Variants in MAVS observed in about 807,000 individuals in gnomAD.
MAVS encodes mitochondrial antiviral signaling protein, also known as mitochondrial antiviral-signaling protein.
In MAVS, 20 loss-of-function variants were observed where a neutral mutation model predicts 30.2. That is an observed-to-expected ratio of 0.66 (90% CI 0.47 to 0.96). The LOEUF is 0.96. MAVS is among the 40% of genes least tolerant of loss of function. MAVS has a pLI of 0.00. For synonymous variants in MAVS, 278 were observed against 293.9 expected, an observed-to-expected ratio of 0.95 and a Z score of 0.55; for missense variants, 624 against 701.1, an observed-to-expected ratio of 0.89 and a Z score of 1.24.
intron 3 of MAVS, among the ~76,000 whole-genome samples, chr20:3,860,039 G>C (rs552000860): frequency 6.6e-6 from 1 of 152,012 alleles, no homozygotes; most frequent in Non-Finnish European, 1.5e-5. Context: ...GGATGGTCTC[G>C]ATCTCCTGAC....
At chr20:3,848,247 T>TCACCC (rs2089725904) in intron 1 of MAVS, among the ~76,000 whole-genome samples, 2 of 152,050 alleles carry the variant, frequency 1.3e-5, no homozygotes, top group South Asian at 4.2e-4. Flanking sequence ...TACAGGTGTG[T>TCACCC]GCCACCATGC....
In MAVS at chr20:3,865,884, G is replaced by T; in HGVS notation, c.1360G>T (p.Gly454Cys). ...STSLGMGPCH[G>C]PEENEYKSEG... ...CTCCTTGGGCATGGGGCCCTGCCAT[G>T]GCCCAGAGGAGAATGAGTATAAGTC... Residue 454 changes from glycine (G) to cysteine (C), a missense_variant, in exon 7 of 7, where the codon GGC (glycine) becomes TGC (cysteine). By Grantham distance (159) the Gly-to-Cys change is radical. Coordinates refer to ENST00000428216, the MANE Select transcript of MAVS (RefSeq NM_020746.5). The surrounding 1 kb of genome is among the most constrained non-coding windows in gnomAD (Gnocchi z 4.7). The T allele has an allele frequency of 6.2e-7, 1 of 1,614,106 alleles. No homozygotes were observed. Among genetic ancestry groups the T allele is most frequent in the Non-Finnish European group, 8.5e-7 (1 of 1,180,032 alleles).
Position 3,857,696 on chromosome 20 carries a change from A to G in MAVS, c.179A>G (p.Asn60Ser). The G allele has an allele frequency of 1.2e-6, 2 of 1,614,204 alleles. No homozygotes were observed. Among genetic ancestry groups the G allele is most frequent in the Admixed American group, 1.7e-5 (1 of 60,026 alleles). ...CGGGACACCCTCTGGCATCTCTTCA[A>G]TACCCTTCAGCGGCGGCCCGGCTGG... ...GNRDTLWHLF[N>S]TLQRRPGWVE... Residue 60 changes from asparagine (N) to serine (S), a missense_variant, in exon 3 of 7, where the codon AAT becomes AGT. Asn to Ser is a conservative substitution (Grantham distance 46). Coordinates refer to ENST00000428216, the MANE Select transcript of MAVS (RefSeq NM_020746.5).
At position 3,865,343 on chromosome 20, in the gene MAVS, G is replaced by A. The variant is rs2089898121; in HGVS notation, c.1159-340G>A. ...GTCCATAGGGCCCTTTGGGCACATGGCCAGGCCTCTGACCCTGTGGCTGCT... is the reference window on the plus strand; with the variant it reads ...GTCCATAGGGCCCTTTGGGCACATGACCAGGCCTCTGACCCTGTGGCTGCT... On this transcript the variant is annotated intron_variant, in intron 6 of 6. Transcript: ENST00000428216. This position sits in a 1 kb window ranked among gnomAD's most constrained non-coding sequence, Gnocchi z 4.7. 6.6e-6 allele frequency among the ~76,000 whole-genome samples: 1 copy of A among 152,184 alleles called. No homozygotes were observed. Among genetic ancestry groups the A allele is most frequent in the Non-Finnish European group, 1.5e-5 (1 of 68,032 alleles).
At chr20:3,864,832 CG>C in intron 6 of MAVS, 44 bp downstream of exon 6, 1 of 1,590,560 alleles carries the variant, frequency 6.3e-7, no homozygotes. Flanking sequence ...CCCCTTCCCC[CG>C]GGACAGCTTG....
rs8126207 is a variant in MAVS, at chr20:3,868,532, G to A, written c.*2385G>A. The A allele has an allele frequency of 0.36, 54,395 of 151,856 alleles. 11,068 individuals are homozygous for A. Among genetic ancestry groups the A allele is most frequent in the Non-Finnish European group, 0.46 (31,113 of 67,932 alleles). 9.4% of individuals were successfully genotyped at this position (151,856 alleles called of 1,614,324 possible). Reference sequence around the variant, plus strand: ...GTCTGTAATCCCAGCTATTCAGGAGGCTGAGGCACGAGAATTCCATGAACC... The same window carrying A: ...GTCTGTAATCCCAGCTATTCAGGAGACTGAGGCACGAGAATTCCATGAACC... On this transcript the variant is annotated 3_prime_UTR_variant, in exon 7 of 7. Transcript: ENST00000428216.
intron 1 of MAVS, among the ~76,000 whole-genome samples, chr20:3,849,986 A>G (rs562259304): frequency 6.6e-6 from 1 of 152,268 alleles, no homozygotes; most frequent in African/African-American, 2.4e-5. Flanking sequence ...GCACTTAAAA[A>G]TTTTTAAGCT....
chr20:3,859,599 G>A (rs1276645860), intron 3 of MAVS, among the ~76,000 whole-genome samples: 1 of 152,002 alleles, frequency 6.6e-6, no homozygotes, highest in African/African-American at 2.4e-5. Context: ...AGGGGCTCAG[G>A]TGGCAGCATC....
chr20:3,865,948 G>A lies in MAVS; in HGVS notation c.1424G>A (p.Ser475Asn), dbSNP rs2146777662. The A allele has an allele frequency of 6.2e-7, 1 of 1,613,730 alleles. No individual in the cohort carries two copies. Among genetic ancestry groups the A allele is most frequent in the East Asian group, 2.2e-5 (1 of 44,882 alleles). The change falls in exon 7 of 7, where the codon AGC (serine) becomes AAC (asparagine). Residue 475 changes from serine to asparagine, a missense_variant. Transcript: ENST00000428216. The surrounding 1 kb of genome is among the most constrained non-coding windows in gnomAD (Gnocchi z 4.7). ...TFGIHVAENP[S>N]IQLLEGNPGP... ...GGGATCCACGTGGCTGAGAACCCCA[G>A]CATCCAGCTCCTGGAGGGCAACCCT... is the stretch of plus-strand genomic sequence containing the variant.
At chr20:3,849,425 A>G (rs4815618) in intron 1 of MAVS, among the ~76,000 whole-genome samples, 147,324 of 152,196 alleles carry the variant, frequency 0.97, 71,339 homozygotes, top group East Asian at 1. Context: ...GGCTGGTCTC[A>G]ACCTCCTGAG....
At chr20:3,859,237 G>C (rs2089841061) in intron 3 of MAVS, among the ~76,000 whole-genome samples, 1 of 151,800 alleles carries the variant, frequency 6.6e-6, no homozygotes, top group Admixed American at 6.6e-5. Context: ...GCTGGGCACG[G>C]TGGCTCACGC....
At chr20:3,857,579 G>A in intron 2 of MAVS, 56 bp from the exon 3 acceptor site, 1 of 1,555,904 alleles carries the variant, frequency 6.4e-7, no homozygotes, top group Non-Finnish European at 8.7e-7. Context: ...CATTCTGGGT[G>A]GGGAAGTGGC....
chr20:3,861,316 C>A lies in MAVS; in HGVS notation c.293-16C>A, dbSNP rs1451726510. ...CCCTGATTCCTTCTTGATATCACTA[C>A]ATCTTTGTCCTCTAGGGACCTCGGA... On this transcript the variant is annotated splice_polypyrimidine_tract_variant and intron_variant, in intron 3 of 6. Transcript: ENST00000428216. The A allele has an allele frequency of 1.9e-6, 3 of 1,599,572 alleles. No individual in the cohort carries two copies. Among genetic ancestry groups the A allele is most frequent in the Non-Finnish European group, 2.6e-6 (3 of 1,172,032 alleles).
intron 3 of MAVS, among the ~76,000 whole-genome samples, chr20:3,860,211 T>C (rs2042722600): frequency 1.3e-5 from 2 of 150,616 alleles, no homozygotes; most frequent in Admixed American, 1.3e-4. Context: ...CAAGCCTCTT[T>C]AATCATGAGG....
rs905382589 is a variant in MAVS, at chr20:3,870,710, A to G, written c.*4563A>G. On this transcript the variant is annotated 3_prime_UTR_variant, in exon 7 of 7. Coordinates refer to ENST00000428216, the MANE Select transcript of MAVS (RefSeq NM_020746.5). ...ATGCTCTTTACCCTGCCTGGCCTCAAACTATTAATAGCTTCCTTTGAGCAA... is the reference window on the plus strand; with the variant it reads ...ATGCTCTTTACCCTGCCTGGCCTCAGACTATTAATAGCTTCCTTTGAGCAA... 2.7e-5 allele frequency: 4 copies of G among 149,140 alleles called. No individual in the cohort carries two copies. Among genetic ancestry groups the G allele is most frequent in the African/African-American group, 9.9e-5 (4 of 40,504 alleles). The allele number at this position is 149,140 out of a possible 1,614,324, so 9.2% of individuals were successfully genotyped here. A position where few individuals can be genotyped will look rare whatever the true frequency, so the allele number is the denominator to read the frequency against.
intron 3 of MAVS, chr20:3,858,058 C>T (rs752433303): frequency 1.9e-5 from 10 of 536,812 alleles, no homozygotes; most frequent in Admixed American, 8.8e-5. Flanking sequence ...GCATCTGCCG[C>T]GGGGAGCTGC....
Position 3,867,333 on chromosome 20 carries a change from A to G in MAVS, c.*1186A>G. 3 of 322,884 alleles carry G rather than the reference A, an allele frequency of 9.3e-6. No individual in the cohort carries two copies. Among genetic ancestry groups the G allele is most frequent in the South Asian group, 7.9e-5 (3 of 38,188 alleles). 20.0% of individuals were successfully genotyped at this position (322,884 alleles called of 1,614,324 possible). On this transcript the variant is annotated 3_prime_UTR_variant, in exon 7 of 7. Coordinates refer to ENST00000428216, the MANE Select transcript of MAVS (RefSeq NM_020746.5). ...AAAGGAGTTTATCGATGTAGGTCTT[A>G]GGATGAGTCCTGGCATTTACCAAGG... is the stretch of plus-strand genomic sequence containing the variant.
chr20:3,859,692 A>G (rs1247492002), intron 3 of MAVS, among the ~76,000 whole-genome samples: 1 of 151,774 alleles, frequency 6.6e-6, no homozygotes, highest in Non-Finnish European at 1.5e-5. Context: ...GAGAAGAGTG[A>G]CTGCTGACAC....
intron 1 of MAVS, among the ~76,000 whole-genome samples, chr20:3,854,077 C>T (rs13042500): frequency 0.2 from 30,390 of 150,420 alleles, 3,780 homozygotes; most frequent in East Asian, 0.57. Context: ...GGATTATAGG[C>T]GTGAACCACT....
Sources: gnomAD v4.1 joint callset for allele counts (sites outside exome capture counted in the v4.1 genomes callset) on GRCh38, gnomAD v4.1.1 for gene constraint, Gnocchi (gnomAD v3.1) non-coding constraint, MANE v1.5 for transcripts, NCBI Gene and HGNC (gene_info 2026-07-23, HGNC 2026-07-21) for gene names.